Variants in NTRK1 observed in about 807,000 individuals in gnomAD.
NTRK1 encodes the protein neurotrophic receptor tyrosine kinase 1, also known as high affinity nerve growth factor receptor.
In NTRK1, 62 loss-of-function variants were observed where a neutral mutation model predicts 86.8. The ratio of observed to expected loss-of-function variants is 0.71; its 90% confidence interval spans 0.58 to 0.88. The LOEUF (loss-of-function observed/expected upper bound fraction) is 0.88. NTRK1 is among the 40% of genes least tolerant of loss of function. The probability of loss-of-function intolerance (pLI) is 0.00; values close to 1 mark genes in which losing one functional copy is unlikely to be tolerated. For synonymous variants in NTRK1, 469 were observed against 456.6 expected (o/e 1.03, Z -0.35); for missense variants, 967 against 1,078.4 (o/e 0.90, Z 1.45).
intron 3 of NTRK1, among the ~76,000 whole-genome samples, chr1:156,865,812 G>C (rs980213967): frequency 6.6e-6 from 1 of 152,250 alleles, no homozygotes; most frequent in African/African-American, 2.4e-5. Flanking sequence ...CAGGCAGAGA[G>C]ATGGGAAGGA....
At position 156,868,599 on chromosome 1, in the gene NTRK1, G is replaced by C; in HGVS notation, c.669G>C (p.Glu223Asp). Residue 223 changes from glutamate to aspartate, a missense_variant, in exon 6 of 17, where the codon GAG becomes GAC. This residue lies in a region of NTRK1 where 330 missense variants were observed against 302.0 expected (regional missense o/e 1.09). Transcript: ENST00000524377. ...LRCQVEGRGL[E>D]QAGWILTELE... ...GCCAGGTGGAGGGGCGGGGCCTGGAGCAGGCCGGCTGGATCCTCACAGAGC... is the reference window on the plus strand; with the variant it reads ...GCCAGGTGGAGGGGCGGGGCCTGGACCAGGCCGGCTGGATCCTCACAGAGC... 1 of 1,551,330 alleles carries C rather than the reference G, an allele frequency of 6.4e-7. No homozygotes were observed. The highest frequency in any genetic ancestry group is 8.7e-7 in the Non-Finnish European group (1 of 1,147,158).
At chr1:156,860,324 G>C (rs1216277899), upstream of NTRK1, among the ~76,000 whole-genome samples, 1 of 152,232 alleles carries the variant, frequency 6.6e-6, no homozygotes, top group African/African-American at 2.4e-5. Context: ...GGCCGGATTA[G>C]GCGACCCCTT....
intron 8 of NTRK1, 104 bp downstream of exon 8, chr1:156,874,063 G>A (rs577553844): frequency 7.0e-5 from 86 of 1,236,092 alleles, no homozygotes; most frequent in African/African-American, 2.7e-4. Context: ...TGCCTGGTTC[G>A]GGACAGAAAG....
At chr1:156,857,842 T>G (rs530444332), upstream of NTRK1, among the ~76,000 whole-genome samples, 1 of 152,272 alleles carries the variant, frequency 6.6e-6, no homozygotes, top group South Asian at 2.1e-4. Flanking sequence ...TTTTTGAAGC[T>G]TCCACCCTCA....
At chr1:156,858,525 C>A, upstream of NTRK1, 1 of 1,611,616 alleles carries the variant, frequency 6.2e-7, no homozygotes, top group South Asian at 1.1e-5. Flanking sequence ...GGAGCCAGTT[C>A]TGGGGACTCA....
intron 2 of NTRK1, chr1:156,842,490 C>T (rs1654838026): frequency 6.2e-7 from 1 of 1,614,036 alleles, no homozygotes; most frequent in East Asian, 2.2e-5. Context: ...CCCTGAGATA[C>T]CACACCCAGG....
intron 6 of NTRK1, 56 bp from the exon 7 acceptor site, chr1:156,871,567 C>A (rs972566961): frequency 6.2e-7 from 1 of 1,606,588 alleles, no homozygotes; most frequent in African/African-American, 1.3e-5. Context: ...GACTTCAGCC[C>A]CAGCCCCAAG....
At chr1:156,816,923 T>G (rs568046281) in intron 1 of NTRK1, 26 of 425,200 alleles carry the variant, frequency 6.1e-5, no homozygotes, top group African/African-American at 3.9e-4. Flanking sequence ...TAGATAGCGG[T>G]GGTATAGCGG....
At chr1:156,874,101 T>C (rs2102907313) in intron 8 of NTRK1, 142 bp downstream of exon 8, 2 of 941,892 alleles carry the variant, frequency 2.1e-6, no homozygotes, top group Non-Finnish European at 3.3e-6. Context: ...GTCCCGCTGT[T>C]CTGGCCTCCT....
intron 1 of NTRK1, chr1:156,841,526 G>A (rs574446043): frequency 2.5e-6 from 4 of 1,613,984 alleles, no homozygotes; most frequent in South Asian, 1.1e-5. Context: ...CACGCCAAAG[G>A]ACCTGGGGGC....
intron 1 of NTRK1, among the ~76,000 whole-genome samples, chr1:156,828,110 G>A (rs1199279631): frequency 6.6e-6 from 1 of 152,056 alleles, no homozygotes; most frequent in Non-Finnish European, 1.5e-5. Context: ...ACCACATCCA[G>A]CCTATAATAT....
At chr1:156,829,714 A>C (rs1571644795) in intron 1 of NTRK1, among the ~76,000 whole-genome samples, 3 of 152,052 alleles carry the variant, frequency 2.0e-5, no homozygotes, top group Non-Finnish European at 2.9e-5. Context: ...GTGCAGTGGC[A>C]CGATCTCGGC....
chr1:156,868,372 A>T (rs956157098), intron 5 of NTRK1, 123 bp downstream of exon 5: 114 of 1,534,386 alleles, frequency 7.4e-5, no homozygotes, highest in Non-Finnish European at 9.7e-5. Context: ...AGGCTGGGGG[A>T]AACTGCCTGG....
At chr1:156,844,163 A>T (rs779001847) in intron 2 of NTRK1, 1 of 1,597,880 alleles carries the variant, frequency 6.3e-7, no homozygotes, top group Non-Finnish European at 8.6e-7. Flanking sequence ...GACCGGTGGG[A>T]CTTATCATCA....
At chr1:156,876,257 A>AG in intron 13 of NTRK1, 47 bp downstream of exon 13, 11 of 1,612,900 alleles carry the variant, frequency 6.8e-6, no homozygotes, top group Non-Finnish European at 8.5e-6. Context: ...TCCCACCCCC[A>AG]GGAGCTCCAT....
chr1:156,852,417 G>A (rs897195800), intron 2 of NTRK1, among the ~76,000 whole-genome samples: 10 of 152,048 alleles, frequency 6.6e-5, no homozygotes, highest in African/African-American at 1.4e-4. Context: ...CCTAGTCGGG[G>A]GTGTCAGAGC....
chr1:156,836,133 C>G (rs1440207393), intron 1 of NTRK1, among the ~76,000 whole-genome samples: 1 of 152,182 alleles, frequency 6.6e-6, no homozygotes, highest in Non-Finnish European at 1.5e-5. Flanking sequence ...GCTTAAGACA[C>G]AGGATGACAC....
chr1:156,874,259 C>T (rs1647755460), intron 8 of NTRK1, 124 bp from the exon 9 acceptor site: 1 of 1,450,186 alleles, frequency 6.9e-7, no homozygotes. Context: ...CAGCCCACCT[C>T]CATCCCCCCT....
upstream of NTRK1, chr1:156,858,570 G>A: frequency 6.2e-7 from 1 of 1,614,074 alleles, no homozygotes; most frequent in Non-Finnish European, 8.5e-7. Context: ...CCCAAGGAGA[G>A]GAAGATCACA....
Sources: allele counts gnomAD v4.1 joint callset (sites outside exome capture counted in the v4.1 genomes callset), GRCh38; gene constraint gnomAD v4.1.1; regional missense constraint gnomAD v4.1.1; transcripts MANE v1.5; gene names NCBI Gene and HGNC (gene_info 2026-07-23, HGNC 2026-07-21).